The following MEF2D variants were observed in gnomAD, a reference collection of about 807,000 sequenced individuals.
MEF2D encodes the protein myocyte-specific enhancer factor 2D.
Under a neutral mutation model 59.3 loss-of-function variants are expected in MEF2D, and 10 were observed. The ratio of observed to expected loss-of-function variants is 0.17; its 90% CI spans 0.10 to 0.29. The LOEUF is 0.29. Ranked by LOEUF, MEF2D falls within the 10% of genes least tolerant of loss-of-function variation. The pLI is 1.00. For missense variants in MEF2D, 508 were observed against 699.4 expected (o/e 0.73, Z 3.09); for synonymous variants, 305 against 295.0 (o/e 1.03, Z -0.35).
chr1:156,477,075 G>C lies in MEF2D; in HGVS notation c.792C>G (p.Pro264=). Residue 264 remains proline (P), a synonymous_variant, in exon 7 of 12, where the codon CCC becomes CCG. Coordinates refer to ENST00000348159, the MANE Select transcript of MEF2D (RefSeq NM_005920.4). ...TGACTCGCAGGTCGGGCTTGCGGCT[G>C]GGGGCTCCAAGCTGGGTGCTGTGGG... is the stretch of plus-strand genomic sequence containing the variant. ...PPTHSTQLGA[P]SRKPDLRVIT... 3 of 1,613,956 alleles carry C rather than the reference G, an allele frequency of 1.9e-6. No homozygotes were observed. The highest frequency in any genetic ancestry group is 2.5e-6 in the Non-Finnish European group (3 of 1,179,880).
rs368185292 is a variant in MEF2D, at chr1:156,482,400, C to T, written c.258+37G>A. The T allele has an allele frequency of 1.4e-5, 22 of 1,608,802 alleles. No individual in the cohort carries two copies. The African/African-American group carries it at 1.9e-4, about 14-fold the overall frequency. ...GGGCACGTGTCCATGTGGATGCAGGCGGGGGTATATCCTGGTGCCTGTGTG... is the reference window on the plus strand; with the variant it reads ...GGGCACGTGTCCATGTGGATGCAGGTGGGGGTATATCCTGGTGCCTGTGTG... On this transcript the variant is annotated intron_variant, in intron 3 of 11. Transcript: ENST00000348159.
Position 156,467,616 on chromosome 1 carries a change from G to C in MEF2D, c.*29C>G. 7.6e-7 allele frequency: 1 copy of C among 1,318,844 alleles called. No homozygotes were observed. Among genetic ancestry groups the C allele is most frequent in the Non-Finnish European group, 9.8e-7 (1 of 1,024,864 alleles). 81.7% of individuals were successfully genotyped at this position (1,318,844 alleles called of 1,614,324 possible). A position where few individuals can be genotyped will look rare whatever the true frequency, so the allele number is the denominator to read the frequency against. The stretch of plus-strand genomic sequence containing the variant: ...GGTGAGATTGTCAACTCTTCATCAG[G>C]GAGGCTGAGAGGAGGGGAGTGGGAA... On this transcript the variant is annotated 3_prime_UTR_variant, in exon 12 of 12. Coordinates refer to ENST00000348159, the MANE Select transcript of MEF2D (RefSeq NM_005920.4).
chr1:156,480,902 T>C lies in MEF2D; in HGVS notation c.328A>G (p.Ser110Gly). The change falls in exon 4 of 12, where the codon AGC (serine) becomes GGC (glycine). Residue 110 changes from serine (S) to glycine (G), a missense_variant. Around this residue, in one of 2 missense-constraint regions of MEF2D, gnomAD observed 481 missense variants for 584.7 expected, o/e 0.82. Transcript: ENST00000348159. ...CGGTACTTGTCCTCCAGCAGGGGGCTCTGTTCCAGCGAGTCCTCCCCGTCG... is the reference window on the plus strand; with the variant it reads ...CGGTACTTGTCCTCCAGCAGGGGGCCCTGTTCCAGCGAGTCCTCCCCGTCG... ...EPDGEDSLEQ[S>G]PLLEDKYRRA... The C allele has an allele frequency of 6.2e-7, 1 of 1,611,086 alleles. No individual in the cohort carries two copies. Among genetic ancestry groups the C allele is most frequent in the African/African-American group, 1.3e-5 (1 of 74,956 alleles).
chr1:156,467,806 TGGAG>T (rs1248537668), intron 11 of MEF2D, 150 bp from the exon 12 acceptor site: 3 of 1,079,750 alleles, frequency 2.8e-6, no homozygotes, highest in Admixed American at 5.9e-5. Flanking sequence ...GGACTGATGC[TGGAG>T]GGAGGGAGAA....
intron 1 of MEF2D, among the ~76,000 whole-genome samples, chr1:156,492,697 G>A (rs1374862117): frequency 3.3e-5 from 5 of 152,232 alleles, no homozygotes; most frequent in Admixed American, 3.3e-4. Flanking sequence ...AGAAGCCCTG[G>A]CTGAGGAGAG....
chr1:156,475,030 G>A (rs952712646), intron 9 of MEF2D, 78 bp downstream of exon 9: 6 of 1,604,520 alleles, frequency 3.7e-6, no homozygotes, highest in African/African-American at 2.7e-5. Flanking sequence ...CTGTCCAGGG[G>A]ATAACTAGCA....
At position 156,492,736 on chromosome 1, in the gene MEF2D, C is replaced by CGGGG. The variant is rs1417096382; in HGVS notation, c.-139+7749_-139+7750insCCCC. Among the ~76,000 whole-genome samples, 27 of 152,318 alleles carry CGGGG rather than the reference C, an allele frequency of 1.8e-4. No homozygotes were observed. In the South Asian group the frequency reaches 2.5e-3, roughly 14 times the overall value. The stretch of plus-strand genomic sequence containing the variant: ...GGGGCGGTTGGGACGGTTAGTGTGT[C>CGGGG]ACCTTCCACCTCCCCAACACAACTT... On this transcript the variant is annotated intron_variant, in intron 1 of 11. Transcript: ENST00000348159.
chr1:156,467,613 C>T lies in MEF2D; in HGVS notation c.*32G>A. ...GGCGGTGAGATTGTCAACTCTTCATCAGGGAGGCTGAGAGGAGGGGAGTGG... is the reference window on the plus strand; with the variant it reads ...GGCGGTGAGATTGTCAACTCTTCATTAGGGAGGCTGAGAGGAGGGGAGTGG... On this transcript the variant is annotated 3_prime_UTR_variant, in exon 12 of 12. Transcript: ENST00000348159. 7.6e-7 allele frequency: 1 copy of T among 1,317,564 alleles called. No homozygotes were observed. Among genetic ancestry groups the T allele is most frequent in the Non-Finnish European group, 9.8e-7 (1 of 1,024,146 alleles). The allele number at this position is 1,317,564 out of a possible 1,614,324, so 81.6% of individuals were successfully genotyped here. A position where few individuals can be genotyped will look rare whatever the true frequency, so the allele number is the denominator to read the frequency against.
intron 2 of MEF2D, 93 bp from the exon 3 acceptor site, chr1:156,482,733 C>T: frequency 8.5e-7 from 1 of 1,174,612 alleles, no homozygotes; most frequent in Non-Finnish European, 1.3e-6. Context: ...AGCCCCTGCC[C>T]TCAGGAGCCC....
intron 1 of MEF2D, among the ~76,000 whole-genome samples, chr1:156,487,954 C>T (rs1415857951): frequency 6.6e-6 from 1 of 152,262 alleles, no homozygotes; most frequent in Non-Finnish European, 1.5e-5. Flanking sequence ...ACTTGGGCTA[C>T]CAAAGAGACA....
At position 156,468,637 on chromosome 1, in the gene MEF2D, T is replaced by C. The variant is rs182171712; in HGVS notation, c.1247+143A>G. 21,803 of 1,378,870 alleles carry C rather than the reference T, an allele frequency of 0.016. 197 individuals carry two copies. The highest frequency in any genetic ancestry group is 0.025 in the Middle Eastern group (132 of 5,286). 85.4% of individuals were successfully genotyped at this position (1,378,870 alleles called of 1,614,324 possible). A position where few individuals can be genotyped will look rare whatever the true frequency, so the allele number is the denominator to read the frequency against. On this transcript the variant is annotated intron_variant, in intron 10 of 11. Transcript: ENST00000348159. The surrounding 1 kb of genome is among the most constrained non-coding windows in gnomAD (Gnocchi z 4.3). The stretch of plus-strand genomic sequence containing the variant: ...GTACAAGAGAGCCCAGGGGTGCCAC[T>C]GTTGCCTAACAGACTGTGCAGTGCA...
chr1:156,474,890 T>C (rs1671466004), intron 9 of MEF2D, among the ~76,000 whole-genome samples: 1 of 152,234 alleles, frequency 6.6e-6, no homozygotes, highest in Non-Finnish European at 1.5e-5. Flanking sequence ...TTGGGACATA[T>C]CTGTACTAAA....
intron 1 of MEF2D, among the ~76,000 whole-genome samples, chr1:156,490,888 G>A (rs1672746756): frequency 6.6e-6 from 1 of 152,188 alleles, no homozygotes; most frequent in African/African-American, 2.4e-5. Flanking sequence ...TCTTCCTGTA[G>A]TCTAGCTCTC....
At chr1:156,469,327 G>C (rs1374183354) in intron 9 of MEF2D, among the ~76,000 whole-genome samples, 1 of 152,028 alleles carries the variant, frequency 6.6e-6, no homozygotes, top group African/African-American at 2.4e-5. Context: ...GTGTGATCTT[G>C]GCTCACTACA....
At chr1:156,477,495 T>C (rs904219930) in intron 6 of MEF2D, among the ~76,000 whole-genome samples, 2 of 152,166 alleles carry the variant, frequency 1.3e-5, no homozygotes, top group Admixed American at 6.5e-5. Flanking sequence ...AAAGCAGCCA[T>C]TGCCTCTAGG....
chr1:156,485,244 C>T (rs1571253062), intron 1 of MEF2D, among the ~76,000 whole-genome samples: 1 of 152,222 alleles, frequency 6.6e-6, no homozygotes, highest in Admixed American at 6.5e-5. Flanking sequence ...CCAATGGCTG[C>T]TGAGTTTCCC....
intron 1 of MEF2D, among the ~76,000 whole-genome samples, chr1:156,486,675 T>G (rs1181151712): frequency 2.0e-5 from 3 of 152,218 alleles, no homozygotes; most frequent in Non-Finnish European, 4.4e-5. Flanking sequence ...TTGCAGTCTT[T>G]CTAGCATTTA....
chr1:156,495,107 G>A (rs1355895034), intron 1 of MEF2D, among the ~76,000 whole-genome samples: 1 of 152,110 alleles, frequency 6.6e-6, no homozygotes. Flanking sequence ...CCCTTGCTTT[G>A]GGGGCTTTCT....
rs538282320 is a variant in MEF2D, at chr1:156,497,453, G to A, written c.-139+3033C>T. Among the ~76,000 whole-genome samples, 81 of 152,366 alleles carry A rather than the reference G, an allele frequency of 5.3e-4. 2 individuals are homozygous for A. Among genetic ancestry groups the A allele is most frequent in the African/African-American group, 1.7e-3 (69 of 41,586 alleles). On this transcript the variant is annotated intron_variant, in intron 1 of 11. Coordinates refer to ENST00000348159, the MANE Select transcript of MEF2D (RefSeq NM_005920.4). ...GAGAATCCCAGCACCACAGTGCCATGAGACTCAGAACCTGACCCTTGATGA... is the reference window on the plus strand; with the variant it reads ...GAGAATCCCAGCACCACAGTGCCATAAGACTCAGAACCTGACCCTTGATGA...
Sources: allele counts gnomAD v4.1 joint callset (sites outside exome capture counted in the v4.1 genomes callset), GRCh38; gene constraint gnomAD v4.1.1; regional missense constraint gnomAD v4.1.1; non-coding constraint Gnocchi (gnomAD v3.1); transcripts MANE v1.5; gene names NCBI Gene and HGNC (gene_info 2026-07-23, HGNC 2026-07-21).